The following PTPRD variants were observed in gnomAD, a reference collection of about 807,000 sequenced individuals.
PTPRD encodes the protein protein tyrosine phosphatase receptor type D.
PTPRD carries 34 observed loss-of-function variants against 214.5 expected under a neutral mutation model. The observed-to-expected ratio is 0.16, with a 90% CI of 0.12 to 0.21. The LOEUF is 0.21. Ranked by LOEUF, PTPRD falls within the 10% of genes least tolerant of loss-of-function variation. The pLI is 1.00. For synonymous variants in PTPRD, 1,128 were observed against 845.7 expected (o/e 1.33, Z -5.79); for missense variants, 2,545 against 2,398.7 (o/e 1.06, Z -1.27).
At chr9:8,677,980 G>C (rs1373392174) in intron 12 of PTPRD, among the ~76,000 whole-genome samples, 2 of 152,098 alleles carry the variant, frequency 1.3e-5, no homozygotes, top group Non-Finnish European at 2.9e-5. Flanking sequence ...GTGGGTGCAG[G>C]CCTGCAGGCT....
chr9:8,888,644 T>C (rs1330928075), intron 11 of PTPRD, among the ~76,000 whole-genome samples: 1 of 152,222 alleles, frequency 6.6e-6, no homozygotes, highest in Admixed American at 6.5e-5. Context: ...TGAGGGTTAT[T>C]TTTATGGCTG....
At chr9:10,113,940 T>A (rs528960639) in intron 3 of PTPRD, among the ~76,000 whole-genome samples, 18 of 152,314 alleles carry the variant, frequency 1.2e-4, no homozygotes, top group African/African-American at 3.8e-4. Context: ...GCCTTTTTAA[T>A]CCTAGAATGT....
intron 2 of PTPRD, among the ~76,000 whole-genome samples, chr9:10,443,989 G>A (rs982981353): frequency 6.6e-6 from 1 of 151,300 alleles, no homozygotes; most frequent in Admixed American, 6.6e-5. Flanking sequence ...TGCTGATTGT[G>A]GCTTTCTTTA....
chr9:9,288,986 C>T (rs1400826181), intron 9 of PTPRD, among the ~76,000 whole-genome samples: 10 of 151,806 alleles, frequency 6.6e-5, no homozygotes, highest in Middle Eastern at 3.4e-3. Flanking sequence ...CCAGCCCTGC[C>T]GAACTGTGAG....
chr9:9,652,521 G>A (rs1426089788), intron 7 of PTPRD, among the ~76,000 whole-genome samples: 1 of 151,936 alleles, frequency 6.6e-6, no homozygotes, highest in East Asian at 1.9e-4. Flanking sequence ...TACCTTTATT[G>A]CCTATCTGAA....
intron 11 of PTPRD, among the ~76,000 whole-genome samples, chr9:8,928,621 G>T (rs558183324): frequency 6.6e-6 from 1 of 151,740 alleles, no homozygotes; most frequent in Non-Finnish European, 1.5e-5. Flanking sequence ...AAGTCAGGTA[G>T]CATGATGCCT....
At chr9:10,168,257 C>G (rs555014069) in intron 3 of PTPRD, among the ~76,000 whole-genome samples, 1 of 152,152 alleles carries the variant, frequency 6.6e-6, no homozygotes, top group South Asian at 2.1e-4. Context: ...ATTATTTCAT[C>G]CACATTGAGA....
Position 8,989,117 on chromosome 9 carries a change from G to T in PTPRD, c.-104+29580C>A, listed in dbSNP as rs147216341. Among the ~76,000 whole-genome samples the T allele has an allele frequency of 5.0e-3, 765 of 151,920 alleles. 7 individuals carry two copies. Among genetic ancestry groups the T allele is most frequent in the African/African-American group, 0.017 (723 of 41,464 alleles). On this transcript the variant is annotated intron_variant, in intron 11 of 45. Transcript: ENST00000381196. ...ATATGATAGTTGTATATATTTTTGG[G>T]GGGCACATGTGATATTTTGATACCT... is the stretch of plus-strand genomic sequence containing the variant.
At position 8,905,798 on chromosome 9, in the gene PTPRD, G is replaced by T. The variant is rs890526446; in HGVS notation, c.-104+112899C>A. Among the ~76,000 whole-genome samples, 43 of 151,288 alleles carry T rather than the reference G, an allele frequency of 2.8e-4. 1 individual carries two copies. Among genetic ancestry groups the T allele is most frequent in the African/African-American group, 1.0e-3 (43 of 41,130 alleles). ...ATTAGCCTACCCTTCTTCCATTGTA[G>T]GCTAGCTTGGAATAATTTGTCTTGA... On this transcript the variant is annotated intron_variant, in intron 11 of 45. Coordinates refer to ENST00000381196, the MANE Select transcript of PTPRD (RefSeq NM_002839.4).
intron 3 of PTPRD, among the ~76,000 whole-genome samples, chr9:10,280,468 G>T (rs567753184): frequency 6.6e-6 from 1 of 152,124 alleles, no homozygotes; most frequent in South Asian, 2.1e-4. Flanking sequence ...TAATAAAGAT[G>T]AGTTCAGAAT....
chr9:9,534,286 T>C (rs28594727), intron 8 of PTPRD, among the ~76,000 whole-genome samples: 27,286 of 152,064 alleles, frequency 0.18, 2,708 homozygotes, highest in Middle Eastern at 0.22. Flanking sequence ...TTATACAATA[T>C]TGAAAGAATG....
chr9:9,194,235 A>C lies in PTPRD; in HGVS notation c.-202-10872T>G, dbSNP rs562639396. Among the ~76,000 whole-genome samples the C allele has an allele frequency of 3.9e-5, 6 of 152,248 alleles. No individual in the cohort carries two copies. The South Asian group carries it at 8.3e-4, about 21-fold the overall frequency. ...CATCATCTATGATAACAATGCCTTCATCTGGAATACCTCCTGAACGACCTG... is the reference window on the plus strand; with the variant it reads ...CATCATCTATGATAACAATGCCTTCCTCTGGAATACCTCCTGAACGACCTG... On this transcript the variant is annotated intron_variant, in intron 9 of 45. Coordinates refer to ENST00000381196, the MANE Select transcript of PTPRD (RefSeq NM_002839.4).
At chr9:9,556,016 G>A (rs1744105449) in intron 8 of PTPRD, among the ~76,000 whole-genome samples, 1 of 151,892 alleles carries the variant, frequency 6.6e-6, no homozygotes, top group South Asian at 2.1e-4. Context: ...ACAATGTGGG[G>A]GACCCCACAG....
chr9:10,286,636 C>T (rs1351171299), intron 3 of PTPRD, among the ~76,000 whole-genome samples: 1 of 152,046 alleles, frequency 6.6e-6, no homozygotes, highest in African/African-American at 2.4e-5. Flanking sequence ...ATTGCACTCT[C>T]TCCCGGGCTG....
intron 9 of PTPRD, among the ~76,000 whole-genome samples, chr9:9,354,399 C>T (rs2052823659): frequency 6.6e-6 from 1 of 151,804 alleles, no homozygotes; most frequent in Admixed American, 6.6e-5. Context: ...TTTTATACTT[C>T]TTTCAATATC....
chr9:10,099,579 C>T (rs980036831), intron 3 of PTPRD, among the ~76,000 whole-genome samples: 1 of 151,652 alleles, frequency 6.6e-6, no homozygotes, highest in Non-Finnish European at 1.5e-5. Context: ...TATCTAGAAA[C>T]AAATAAAACT....
At chr9:9,892,984 G>A (rs1168806583) in intron 5 of PTPRD, among the ~76,000 whole-genome samples, 1 of 152,060 alleles carries the variant, frequency 6.6e-6, no homozygotes, top group Non-Finnish European at 1.5e-5. Flanking sequence ...AGTGGTGTTA[G>A]ATCATAAATT....
intron 14 of PTPRD, among the ~76,000 whole-genome samples, chr9:8,544,276 C>A (rs539019216): frequency 6.8e-6 from 1 of 146,702 alleles, no homozygotes; most frequent in African/African-American, 2.5e-5. Context: ...AAGCAATTTG[C>A]CTGCCTCAGC....
intron 9 of PTPRD, among the ~76,000 whole-genome samples, chr9:9,204,112 G>C (rs2099943419): frequency 6.6e-6 from 1 of 152,026 alleles, no homozygotes; most frequent in Non-Finnish European, 1.5e-5. Flanking sequence ...TGTGCGCCAG[G>C]GAACAGATGT....
Sources: gnomAD v4.1 joint callset for allele counts (sites outside exome capture counted in the v4.1 genomes callset) on GRCh38, gnomAD v4.1.1 for gene constraint, MANE v1.5 for transcripts, NCBI Gene and HGNC (gene_info 2026-07-23, HGNC 2026-07-21) for gene names.